Variants in TCEANC2 observed in about 807,000 individuals in gnomAD.
The protein encoded by TCEANC2 is transcription elongation factor A N-terminal and central domain containing 2.
A neutral mutation model predicts 22.8 loss-of-function variants in TCEANC2; 20 were observed. That is an observed-to-expected ratio of 0.88 (90% CI 0.62 to 1.28). The LOEUF is 1.28. Ranked by LOEUF, TCEANC2 falls within the 50% of genes most tolerant of loss-of-function variation. The pLI is 0.00. For synonymous variants in TCEANC2, 84 were observed against 95.5 expected, an observed-to-expected ratio of 0.88 and a Z score of 0.70; for missense variants, 251 against 249.7, an observed-to-expected ratio of 1.01 and a Z score of -0.03.
intron 3 of TCEANC2, among the ~76,000 whole-genome samples, chr1:54,077,736 AT>A (rs1658168680): frequency 7.9e-5 from 12 of 152,248 alleles, no homozygotes; most frequent in Admixed American, 2.0e-4. Flanking sequence ...GAGCTCAGGA[AT>A]ATAGTCTTCA....
intron 4 of TCEANC2, among the ~76,000 whole-genome samples, chr1:54,090,434 C>G (rs1658420932): frequency 6.6e-6 from 1 of 151,992 alleles, no homozygotes; most frequent in Non-Finnish European, 1.5e-5. Flanking sequence ...GCCAAATGTT[C>G]CATAAGATAT....
At chr1:54,081,914 T>A (rs952569028) in intron 3 of TCEANC2, among the ~76,000 whole-genome samples, 18 of 152,332 alleles carry the variant, frequency 1.2e-4, no homozygotes, top group African/African-American at 3.8e-4. Context: ...CGGCCACCTC[T>A]CAGGGCCTGT....
chr1:54,073,945 T>G (rs1007937462), intron 3 of TCEANC2, among the ~76,000 whole-genome samples: 6 of 152,166 alleles, frequency 3.9e-5, no homozygotes, highest in Admixed American at 2.6e-4. Flanking sequence ...AGGGCTAGGT[T>G]TCTGATATGG....
At chr1:54,095,976 T>A (rs141188984) in intron 4 of TCEANC2, among the ~76,000 whole-genome samples, 2,033 of 152,312 alleles carry the variant, frequency 0.013, 18 homozygotes, top group Middle Eastern at 0.075. Context: ...GATTTATTAT[T>A]CTTGGTCTTC....
chr1:54,089,612 G>C (rs148575165), intron 4 of TCEANC2, among the ~76,000 whole-genome samples: 1 of 152,136 alleles, frequency 6.6e-6, no homozygotes, highest in African/African-American at 2.4e-5. Context: ...GAGCAACTCT[G>C]CTAAAGTATC....
At chr1:54,066,112 C>T (rs1313783065) in intron 2 of TCEANC2, among the ~76,000 whole-genome samples, 9 of 151,066 alleles carry the variant, frequency 6.0e-5, no homozygotes, top group African/African-American at 1.9e-4. Flanking sequence ...ATTAGCCAGG[C>T]GTGGTGGCAT....
Position 54,096,629 on chromosome 1 carries a change from T to A in TCEANC2, c.*156T>A. ...TGCAGACAGAGGATTCGGAGAGCCC[T>A]AGGAGACAGGCCTGCAGGAATGTGC... On this transcript the variant is annotated 3_prime_UTR_variant, in exon 5 of 5. Coordinates refer to ENST00000234827, the MANE Select transcript of TCEANC2 (RefSeq NM_153035.3). The surrounding 1 kb of genome is among the most constrained non-coding windows in gnomAD (Gnocchi z 4.9). 7.3e-7 allele frequency: 1 copy of A among 1,374,690 alleles called. No homozygotes were observed. Among genetic ancestry groups the A allele is most frequent in the Non-Finnish European group, 9.5e-7 (1 of 1,054,610 alleles). The allele number at this position is 1,374,690 out of a possible 1,614,324, so 85.2% of individuals were successfully genotyped here.
rs958775555 is a variant in TCEANC2, at chr1:54,096,628, C to G, written c.*155C>G. 1.5e-6 allele frequency: 2 copies of G among 1,374,880 alleles called. No individual in the cohort carries two copies. Among genetic ancestry groups the G allele is most frequent in the South Asian group, 3.4e-5 (2 of 59,006 alleles). 85.2% of individuals were successfully genotyped at this position (1,374,880 alleles called of 1,614,324 possible). ...TTGCAGACAGAGGATTCGGAGAGCCCTAGGAGACAGGCCTGCAGGAATGTG... is the reference window on the plus strand; with the variant it reads ...TTGCAGACAGAGGATTCGGAGAGCCGTAGGAGACAGGCCTGCAGGAATGTG... On this transcript the variant is annotated 3_prime_UTR_variant, in exon 5 of 5. Transcript: ENST00000234827. This position sits in a 1 kb window ranked among gnomAD's most constrained non-coding sequence, Gnocchi z 4.9.
chr1:54,108,264 A>G (rs74085195), downstream of TCEANC2, among the ~76,000 whole-genome samples: 513 of 152,220 alleles, frequency 3.4e-3, 2 homozygotes, highest in African/African-American at 0.012. Flanking sequence ...CCTCTCATCT[A>G]GCTATGCATA....
chr1:54,086,441 A>G (rs1425399621), intron 3 of TCEANC2, among the ~76,000 whole-genome samples: 2 of 152,240 alleles, frequency 1.3e-5, no homozygotes, highest in Non-Finnish European at 2.9e-5. Flanking sequence ...GGGACCCTTA[A>G]ATGAGTCTTA....
intron 3 of TCEANC2, among the ~76,000 whole-genome samples, chr1:54,073,014 G>A (rs1034951068): frequency 5.3e-5 from 8 of 151,896 alleles, no homozygotes; most frequent in Admixed American, 2.0e-4. Flanking sequence ...CTCCCAAGCC[G>A]GAGTGCAGTG....
At chr1:54,064,518 A>G (rs1280062268) in intron 2 of TCEANC2, among the ~76,000 whole-genome samples, 1 of 152,118 alleles carries the variant, frequency 6.6e-6, no homozygotes, top group Non-Finnish European at 1.5e-5. Context: ...GTGGCCTGCA[A>G]CCAGTATGAT....
rs114368446 is a variant in TCEANC2 at position 54,083,250 on chromosome 1, C to T, written c.245-5347C>T. Among the ~76,000 whole-genome samples the T allele has an allele frequency of 6.4e-3, 968 of 152,050 alleles. 11 individuals are homozygous for T. The highest frequency in any genetic ancestry group is 0.022 in the African/African-American group (927 of 41,440). ...CAGTGAGAACCTTTGGCTAGGGACA[C>T]GTAGTTGGGAGTCATCTGCCTGCAG... On this transcript the variant is annotated intron_variant, in intron 3 of 4. Coordinates refer to ENST00000234827, the MANE Select transcript of TCEANC2 (RefSeq NM_153035.3).
At chr1:54,055,107 A>G (rs1372503703) in intron 2 of TCEANC2, among the ~76,000 whole-genome samples, 6 of 152,128 alleles carry the variant, frequency 3.9e-5, no homozygotes, top group Admixed American at 2.6e-4. Flanking sequence ...CCTCCCAAGT[A>G]GCTGGGATTA....
chr1:54,095,617 C>T (rs115230336), intron 4 of TCEANC2, among the ~76,000 whole-genome samples: 2,975 of 152,310 alleles, frequency 0.02, 58 homozygotes, highest in South Asian at 0.085. Context: ...TAGACCTGCT[C>T]TGCTTAATGG....
downstream of TCEANC2, among the ~76,000 whole-genome samples, chr1:54,108,408 T>A (rs1370817199): frequency 6.6e-6 from 1 of 152,180 alleles, no homozygotes; most frequent in East Asian, 1.9e-4. Context: ...CATGAGATCA[T>A]ATGGGTGAGC....
rs1658602398 is a variant in TCEANC2, at chr1:54,098,657, C to A, written c.*2184C>A. ...TATATCTCCAGCATCTGGAACAGAG[C>A]CTGGGACAAGCTAGGTCTCCATAAC... On this transcript the variant is annotated 3_prime_UTR_variant, in exon 5 of 5. Transcript: ENST00000234827. 6.6e-6 allele frequency: 1 copy of A among 152,192 alleles called. No homozygotes were observed. The highest frequency in any genetic ancestry group is 6.5e-5 in the Admixed American group (1 of 15,278). The allele number at this position is 152,192 out of a possible 1,614,324, so 9.4% of individuals were successfully genotyped here.
At chr1:54,087,673 A>G (rs576978538) in intron 3 of TCEANC2, among the ~76,000 whole-genome samples, 36 of 152,220 alleles carry the variant, frequency 2.4e-4, no homozygotes, top group Non-Finnish European at 4.4e-4. Context: ...GATTTGAATC[A>G]CACGTCGCAT....
chr1:54,107,451 T>C (rs1351888937), downstream of TCEANC2, among the ~76,000 whole-genome samples: 2 of 152,098 alleles, frequency 1.3e-5, no homozygotes, highest in African/African-American at 2.4e-5. Context: ...TTTTTCCCTT[T>C]CCATATTTTG....
Sources: gnomAD v4.1 joint callset for allele counts (sites outside exome capture counted in the v4.1 genomes callset) on GRCh38, gnomAD v4.1.1 for gene constraint, Gnocchi (gnomAD v3.1) non-coding constraint, MANE v1.5 for transcripts, NCBI Gene and HGNC (gene_info 2026-07-23, HGNC 2026-07-21) for gene names.